The following PTPRD variants were observed in gnomAD, a reference collection of about 807,000 sequenced individuals.
PTPRD encodes protein tyrosine phosphatase receptor type D, also known as receptor-type tyrosine-protein phosphatase delta.
Under a neutral mutation model 214.5 loss-of-function variants are expected in PTPRD, and 34 were observed. The ratio of observed to expected loss-of-function variants is 0.16; its 90% CI spans 0.12 to 0.21. The LOEUF is 0.21. Ranked by LOEUF, PTPRD falls within the 10% of genes least tolerant of loss-of-function variation. The pLI, the probability that PTPRD is intolerant of heterozygous loss-of-function variation, is 1.00. For synonymous variants in PTPRD, 1,128 were observed against 845.7 expected, an observed-to-expected ratio of 1.33 and a Z score of -5.79; for missense variants, 2,545 against 2,398.7, an observed-to-expected ratio of 1.06 and a Z score of -1.27.
At chr9:10,056,634 A>G (rs1481233646) in intron 3 of PTPRD, among the ~76,000 whole-genome samples, 1 of 152,144 alleles carries the variant, frequency 6.6e-6, no homozygotes, top group African/African-American at 2.4e-5. Context: ...GCCCACATCC[A>G]AAAGTAAAAG....
At chr9:9,060,912 A>T (rs1017576457) in intron 10 of PTPRD, among the ~76,000 whole-genome samples, 25 of 152,248 alleles carry the variant, frequency 1.6e-4, no homozygotes, top group Admixed American at 9.8e-4. Context: ...TCAGCAATAA[A>T]TTTTTTTTAA....
At chr9:9,303,432 T>C (rs765682620) in intron 9 of PTPRD, among the ~76,000 whole-genome samples, 2 of 152,092 alleles carry the variant, frequency 1.3e-5, no homozygotes, top group Admixed American at 6.6e-5. Context: ...GTATTTTCTA[T>C]GTTTCTCACT....
intron 2 of PTPRD, among the ~76,000 whole-genome samples, chr9:10,389,613 C>T (rs1478857498): frequency 1.3e-5 from 2 of 151,680 alleles, no homozygotes; most frequent in Non-Finnish European, 1.5e-5. Flanking sequence ...ATCTGTAATG[C>T]AGATAAATAA....
At chr9:10,044,442 T>C (rs1239300002) in intron 3 of PTPRD, among the ~76,000 whole-genome samples, 1 of 151,770 alleles carries the variant, frequency 6.6e-6, no homozygotes, top group East Asian at 1.9e-4. Flanking sequence ...CAGACTTAGT[T>C]GATAGTTATA....
chr9:9,939,432 C>A (rs190485785), intron 4 of PTPRD, among the ~76,000 whole-genome samples: 4 of 152,142 alleles, frequency 2.6e-5, no homozygotes, highest in African/African-American at 9.7e-5. Flanking sequence ...ATGTCTGCCT[C>A]CCCAAGATTT....
At chr9:9,839,926 A>T (rs1804518308) in intron 5 of PTPRD, among the ~76,000 whole-genome samples, 1 of 152,186 alleles carries the variant, frequency 6.6e-6, no homozygotes, top group Non-Finnish European at 1.5e-5. Context: ...ACACACACAC[A>T]CACAAGTTGA....
chr9:9,248,017 G>C (rs2099973823), intron 9 of PTPRD, among the ~76,000 whole-genome samples: 1 of 152,018 alleles, frequency 6.6e-6, no homozygotes, highest in African/African-American at 2.4e-5. Context: ...ATCTCTTGCA[G>C]TACACTGTAG....
chr9:9,147,525 G>A (rs1014922356), intron 10 of PTPRD, among the ~76,000 whole-genome samples: 8 of 151,962 alleles, frequency 5.3e-5, no homozygotes, highest in Non-Finnish European at 2.9e-5. Flanking sequence ...TTTAAAAAGT[G>A]ATTAAAAAAT....
At chr9:9,476,292 T>G (rs1353516266) in intron 8 of PTPRD, among the ~76,000 whole-genome samples, 1 of 152,226 alleles carries the variant, frequency 6.6e-6, no homozygotes, top group Non-Finnish European at 1.5e-5. Flanking sequence ...AGCAAATATT[T>G]CTATTCACTC....
intron 2 of PTPRD, among the ~76,000 whole-genome samples, chr9:10,376,050 AC>A (rs1428048225): frequency 1.3e-5 from 2 of 151,886 alleles, no homozygotes; most frequent in African/African-American, 4.8e-5. Flanking sequence ...TATTTTACTG[AC>A]TTGCCTATTC....
chr9:8,724,578 T>C (rs2098537589), intron 12 of PTPRD, among the ~76,000 whole-genome samples: 1 of 152,130 alleles, frequency 6.6e-6, no homozygotes, highest in Non-Finnish European at 1.5e-5. Flanking sequence ...ATTCCTGCAG[T>C]TCATAGAATA....
intron 11 of PTPRD, among the ~76,000 whole-genome samples, chr9:8,839,319 T>TA (rs1387816020): frequency 6.6e-6 from 1 of 151,580 alleles, no homozygotes; most frequent in Non-Finnish European, 1.5e-5. Context: ...TTTATTTATT[T>TA]ATTTATTTAT....
intron 35 of PTPRD, among the ~76,000 whole-genome samples, chr9:8,434,588 G>A (rs940885074): frequency 4.6e-5 from 7 of 152,050 alleles, no homozygotes; most frequent in African/African-American, 1.7e-4. Flanking sequence ...CTAACAGGTC[G>A]AGCTATCATA....
chr9:9,288,849 T>C (rs760019991), intron 9 of PTPRD, among the ~76,000 whole-genome samples: 3 of 151,618 alleles, frequency 2.0e-5, no homozygotes, highest in Non-Finnish European at 4.4e-5. Flanking sequence ...CGAGTTCTCA[T>C]GAGATCTGAT....
intron 2 of PTPRD, among the ~76,000 whole-genome samples, chr9:10,475,752 C>T (rs754141091): frequency 5.3e-5 from 8 of 152,152 alleles, no homozygotes; most frequent in South Asian, 4.2e-4. Context: ...AAATCAAATC[C>T]AGCAGCAAAT....
chr9:10,099,977 A>G (rs181498417), intron 3 of PTPRD, among the ~76,000 whole-genome samples: 217 of 151,880 alleles, frequency 1.4e-3, no homozygotes, highest in African/African-American at 4.9e-3. Context: ...TCCAGCATAT[A>G]TAAACATGTG....
intron 9 of PTPRD, among the ~76,000 whole-genome samples, chr9:9,333,504 T>TATATATA (rs1555249397): frequency 5.1e-5 from 7 of 137,230 alleles, no homozygotes; most frequent in African/African-American, 2.0e-4. Context: ...ATATAGTATA[T>TATATATA]TATATATATA....
At chr9:10,118,174 T>C (rs2098745971) in intron 3 of PTPRD, among the ~76,000 whole-genome samples, 1 of 150,782 alleles carries the variant, frequency 6.6e-6, no homozygotes, top group African/African-American at 2.4e-5. Flanking sequence ...GCTCAATGGC[T>C]GAAGGAAACT....
At chr9:10,573,680 T>A (rs1476335495) in intron 2 of PTPRD, among the ~76,000 whole-genome samples, 1 of 152,168 alleles carries the variant, frequency 6.6e-6, no homozygotes, top group Non-Finnish European at 1.5e-5. Context: ...GCACCTGGAC[T>A]CTTTCCTGGC....
Sources: allele counts gnomAD v4.1 joint callset (sites outside exome capture counted in the v4.1 genomes callset), GRCh38; gene constraint gnomAD v4.1.1; transcripts MANE v1.5; gene names NCBI Gene and HGNC (gene_info 2026-07-23, HGNC 2026-07-21).